The following ADGRB3 variants were observed in gnomAD, a reference collection of about 807,000 sequenced individuals.
ADGRB3 encodes brain-specific angiogenesis inhibitor 3.
In ADGRB3, 37 loss-of-function variants were observed where a neutral mutation model predicts 193.4. That is an observed-to-expected ratio of 0.19 (90% CI 0.15 to 0.25). ADGRB3 has a LOEUF of 0.25. Among genes scored for constraint, ADGRB3 ranks in the 10% least tolerant of loss-of-function variants. The pLI is 1.00. For synonymous variants in ADGRB3, 690 were observed against 644.2 expected, an observed-to-expected ratio of 1.07 and a Z score of -1.08; for missense variants, 1,637 against 1,852.9, an observed-to-expected ratio of 0.88 and a Z score of 2.14.
intron 3 of ADGRB3, among the ~76,000 whole-genome samples, chr6:68,731,715 T>G (rs1765779635): frequency 6.6e-6 from 1 of 151,580 alleles, no homozygotes; most frequent in South Asian, 2.1e-4. Context: ...TAATAAATCA[T>G]ATAATCTTAG....
At chr6:69,381,788 A>G (rs1269945649) in intron 30 of ADGRB3, among the ~76,000 whole-genome samples, 8 of 151,940 alleles carry the variant, frequency 5.3e-5, no homozygotes. Flanking sequence ...TTAAACATAG[A>G]TATAATATAC....
chr6:69,103,365 A>C (rs1445040142), intron 17 of ADGRB3, among the ~76,000 whole-genome samples: 1 of 152,228 alleles, frequency 6.6e-6, no homozygotes. Flanking sequence ...GACATCAAAA[A>C]AACTATTTTA....
rs371040512 is a variant in ADGRB3 at position 69,005,906 on chromosome 6, G to GTAT, written c.1930-8128_1930-8126dup. Among the ~76,000 whole-genome samples the GTAT allele has an allele frequency of 1.6e-3, 239 of 152,246 alleles. 2 individuals are homozygous for GTAT. Among genetic ancestry groups the GTAT allele is most frequent in the African/African-American group, 5.6e-3 (233 of 41,540 alleles). Reference sequence around the variant, plus strand: ...TCTGAAACCTGCTAGATGGCATCCTGTATTATAATATTCTGCCTTTCTGAA... The same window carrying GTAT: ...TCTGAAACCTGCTAGATGGCATCCTGTATTATTATAATATTCTGCCTTTCTGAA... On this transcript the variant is annotated intron_variant, in intron 11 of 31. Coordinates refer to ENST00000370598, the MANE Select transcript of ADGRB3 (RefSeq NM_001704.3).
At chr6:69,249,994 T>C (rs1766586693) in intron 20 of ADGRB3, among the ~76,000 whole-genome samples, 1 of 152,200 alleles carries the variant, frequency 6.6e-6, no homozygotes, top group Admixed American at 6.5e-5. Flanking sequence ...AATTGTAATG[T>C]GAAGAAGAAA....
At chr6:68,835,778 T>A (rs540118912) in intron 3 of ADGRB3, among the ~76,000 whole-genome samples, 11 of 152,322 alleles carry the variant, frequency 7.2e-5, no homozygotes, top group Admixed American at 2.6e-4. Context: ...TTTTCTCATA[T>A]TTTTCTTGTA....
intron 13 of ADGRB3, among the ~76,000 whole-genome samples, chr6:69,044,976 T>C (rs1054799282): frequency 6.6e-6 from 1 of 152,218 alleles, no homozygotes; most frequent in African/African-American, 2.4e-5. Context: ...ATATATAGAT[T>C]ATGCACTTAT....
intron 20 of ADGRB3, among the ~76,000 whole-genome samples, chr6:69,252,077 T>C (rs1286538410): frequency 6.6e-6 from 1 of 152,126 alleles, no homozygotes; most frequent in African/African-American, 2.4e-5. Flanking sequence ...CATCCCCTCA[T>C]AGGCAAGCGT....
At chr6:69,302,131 T>A (rs1225032495) in intron 20 of ADGRB3, among the ~76,000 whole-genome samples, 2 of 151,890 alleles carry the variant, frequency 1.3e-5, no homozygotes, top group Non-Finnish European at 2.9e-5. Flanking sequence ...AGGTTTTTAA[T>A]GTAGATGAAA....
chr6:69,167,425 C>T (rs1010338140), intron 17 of ADGRB3, among the ~76,000 whole-genome samples: 62 of 152,216 alleles, frequency 4.1e-4, no homozygotes, highest in African/African-American at 1.4e-3. Flanking sequence ...AAAAAACTGT[C>T]TCTTCCTGAA....
At chr6:68,733,994 G>A (rs539909855) in intron 3 of ADGRB3, among the ~76,000 whole-genome samples, 9 of 151,782 alleles carry the variant, frequency 5.9e-5, no homozygotes, top group South Asian at 2.1e-4. Context: ...TACCTGCTAC[G>A]TATGCCTAAA....
intron 13 of ADGRB3, among the ~76,000 whole-genome samples, chr6:69,045,089 A>C (rs1269994009): frequency 6.6e-6 from 1 of 152,200 alleles, no homozygotes; most frequent in Non-Finnish European, 1.5e-5. Flanking sequence ...TTCACTTAAC[A>C]TATGAGCTTC....
At chr6:69,233,086 C>T (rs1766183351) in intron 17 of ADGRB3, 1 of 688,222 alleles carries the variant, frequency 1.5e-6, no homozygotes, top group South Asian at 1.9e-5. Flanking sequence ...CGCCGCACCG[C>T]CGCCTGCTTG....
intron 3 of ADGRB3, among the ~76,000 whole-genome samples, chr6:68,856,336 G>A (rs149804974): frequency 1.3e-5 from 2 of 152,294 alleles, no homozygotes; most frequent in African/African-American, 4.8e-5. Flanking sequence ...TGAACAGTTG[G>A]GAGGACTCAG....
In ADGRB3 at chr6:69,355,624, G is replaced by T. The variant is rs143617550; in HGVS notation, c.3556-197G>T. On this transcript the variant is annotated intron_variant, in intron 27 of 31. Transcript: ENST00000370598. ...TAAAATTGTGTGCTATGTTTCCTTT[G>T]ATTTTATTTAACATTTGGGCTCTAG... 2.9e-3 allele frequency among the ~76,000 whole-genome samples: 435 copies of T among 152,142 alleles called. 1 individual carries two copies. Among genetic ancestry groups the T allele is most frequent in the African/African-American group, 9.8e-3 (408 of 41,528 alleles).
intron 11 of ADGRB3, among the ~76,000 whole-genome samples, chr6:69,011,487 A>G (rs1769935683): frequency 6.6e-6 from 1 of 151,680 alleles, no homozygotes; most frequent in African/African-American, 2.4e-5. Flanking sequence ...GTGGGGAGGG[A>G]GGGAAGGAGA....
chr6:68,936,813 A>G (rs1428472237), intron 5 of ADGRB3, 133 bp downstream of exon 5: 3 of 1,000,020 alleles, frequency 3.0e-6, no homozygotes, highest in African/African-American at 1.6e-5. Context: ...ATTATTATTC[A>G]ACTGTAATAT....
At chr6:69,203,364 T>A (rs1014815233) in intron 17 of ADGRB3, among the ~76,000 whole-genome samples, 1 of 152,058 alleles carries the variant, frequency 6.6e-6, no homozygotes, top group Admixed American at 6.6e-5. Context: ...GTGGTGACCT[T>A]GGTTTCAGGG....
At chr6:68,813,472 C>T (rs1450499029) in intron 3 of ADGRB3, among the ~76,000 whole-genome samples, 1 of 151,952 alleles carries the variant, frequency 6.6e-6, no homozygotes, top group Non-Finnish European at 1.5e-5. Context: ...ACATATTAGA[C>T]CTAATATTAC....
intron 3 of ADGRB3, among the ~76,000 whole-genome samples, chr6:68,905,734 G>A (rs764000443): frequency 1.3e-5 from 2 of 152,108 alleles, no homozygotes; most frequent in Non-Finnish European, 2.9e-5. Flanking sequence ...TCTTCAAACT[G>A]TAAATTAGTT....
Sources: gnomAD v4.1 joint callset for allele counts (sites outside exome capture counted in the v4.1 genomes callset) on GRCh38, gnomAD v4.1.1 for gene constraint, MANE v1.5 for transcripts, NCBI Gene and HGNC (gene_info 2026-07-23, HGNC 2026-07-21) for gene names.